Variants in RGS9 observed in about 807,000 individuals in gnomAD.
The protein encoded by RGS9 is regulator of G-protein signalling 9.
RGS9 carries 78 observed loss-of-function variants against 102.0 expected under a neutral mutation model. That is an observed-to-expected ratio of 0.76 (90% confidence interval 0.64 to 0.92). RGS9 has a LOEUF of 0.92. Among genes scored for constraint, RGS9 ranks in the 40% least tolerant of loss-of-function variants. The pLI is 0.00. For synonymous variants in RGS9, 353 were observed against 318.6 expected, an observed-to-expected ratio of 1.11 and a Z score of -1.15; for missense variants, 833 against 866.1, an observed-to-expected ratio of 0.96 and a Z score of 0.48.
At chr17:65,169,735 AG>A (rs927044346) in intron 8 of RGS9, among the ~76,000 whole-genome samples, 3 of 152,190 alleles carry the variant, frequency 2.0e-5, no homozygotes, top group African/African-American at 7.2e-5. Flanking sequence ...GTAAGTTCTC[AG>A]CCCCCACCAG....
chr17:65,216,309 C>A (rs949300004), intron 17 of RGS9, among the ~76,000 whole-genome samples: 201 of 152,248 alleles, frequency 1.3e-3, no homozygotes, highest in African/African-American at 4.3e-3. Context: ...TTCCTGACAA[C>A]TACCAAGCAA....
chr17:65,202,908 G>T (rs1391605098), intron 14 of RGS9, among the ~76,000 whole-genome samples: 1 of 152,180 alleles, frequency 6.6e-6, no homozygotes, highest in Non-Finnish European at 1.5e-5. Flanking sequence ...GGCTGCAGTG[G>T]ACATGAGTCC....
At chr17:65,189,083 T>A in intron 9 of RGS9, 1 of 605,896 alleles carries the variant, frequency 1.7e-6, no homozygotes, top group South Asian at 2.0e-5. Context: ...CTCCTTCGCT[T>A]ACAAAATCTC....
intron 1 of RGS9, among the ~76,000 whole-genome samples, chr17:65,145,566 A>ATTTTTTTTTTTTT (rs1567858058): frequency 8.5e-6 from 1 of 118,300 alleles, no homozygotes. Context: ...TTTTTTTTTA[A>ATTTTTTTTTTTTT]TATATTTTTA....
At position 65,145,901 on chromosome 17, in the gene RGS9, C is replaced by T. The variant is rs561322529; in HGVS notation, c.58-7521C>T. On this transcript the variant is annotated intron_variant, in intron 1 of 18. Transcript: ENST00000262406. ...GAAAAAGGATCGGATCCCAATGGGC[C>T]GAACTCCCTCAAAATGTTCCCGAGG... Among the ~76,000 whole-genome samples the T allele has an allele frequency of 5.3e-5, 8 of 152,142 alleles. No individual in the cohort carries two copies. The South Asian group carries it at 1.0e-3, about 20-fold the overall frequency.
intron 16 of RGS9, among the ~76,000 whole-genome samples, chr17:65,210,248 A>C (rs1008257949): frequency 3.9e-5 from 6 of 152,382 alleles, no homozygotes; most frequent in African/African-American, 1.4e-4. Flanking sequence ...CTTCGCCAAC[A>C]AAAGGGTCTT....
At chr17:65,211,448 T>C (rs186332434) in intron 17 of RGS9, among the ~76,000 whole-genome samples, 2 of 152,344 alleles carry the variant, frequency 1.3e-5, no homozygotes, top group Admixed American at 1.3e-4. Context: ...AACAAAGGCA[T>C]TGATGTCTTC....
At chr17:65,180,088 C>G (rs1253361933) in intron 9 of RGS9, 1 of 152,276 alleles carries the variant, frequency 6.6e-6, no homozygotes, top group East Asian at 1.9e-4. Flanking sequence ...ATGCAGAGCC[C>G]CTTCCAGCCC....
chr17:65,146,763 G>A (rs893718008), intron 1 of RGS9, among the ~76,000 whole-genome samples: 2 of 151,976 alleles, frequency 1.3e-5, no homozygotes, highest in African/African-American at 4.8e-5. Context: ...AGTGGCGCGC[G>A]CCTGTAGTCC....
At chr17:65,161,899 G>A (rs558761207) in intron 6 of RGS9, among the ~76,000 whole-genome samples, 1 of 149,842 alleles carries the variant, frequency 6.7e-6, no homozygotes, top group African/African-American at 2.5e-5. Flanking sequence ...TGTAGAGACA[G>A]GAGGCCCAGG....
intron 13 of RGS9, among the ~76,000 whole-genome samples, chr17:65,199,497 T>C (rs1912734078): frequency 6.9e-6 from 1 of 145,202 alleles, no homozygotes; most frequent in African/African-American, 2.6e-5. Flanking sequence ...CCTTTTTTTT[T>C]TTTTTTTTTT....
intron 13 of RGS9, among the ~76,000 whole-genome samples, chr17:65,200,295 G>T (rs1320631999): frequency 6.6e-6 from 1 of 152,166 alleles, no homozygotes; most frequent in Non-Finnish European, 1.5e-5. Context: ...CTCCCAAAGT[G>T]CTGGGATTAC....
chr17:65,200,278 C>T (rs1229676709), intron 13 of RGS9, among the ~76,000 whole-genome samples: 1 of 152,180 alleles, frequency 6.6e-6, no homozygotes, highest in East Asian at 1.9e-4. Context: ...GATCCGCCCC[C>T]CTCAGCCTCC....
At chr17:65,190,136 A>C (rs1161049274) in intron 10 of RGS9, 39 bp from the exon 11 acceptor site, 1 of 1,500,642 alleles carries the variant, frequency 6.7e-7, no homozygotes, top group Non-Finnish European at 9.3e-7. Context: ...GAAGGGTGGG[A>C]GGGGGTTGAA....
chr17:65,153,613 C>T, intron 2 of RGS9, 95 bp downstream of exon 2: 3 of 1,031,140 alleles, frequency 2.9e-6, no homozygotes, highest in Non-Finnish European at 4.6e-6. Context: ...TATTTTTGGC[C>T]AGGTGCAGTG....
At chr17:65,182,121 G>A (rs1409511228) in intron 9 of RGS9, among the ~76,000 whole-genome samples, 5 of 152,258 alleles carry the variant, frequency 3.3e-5, no homozygotes, top group East Asian at 1.9e-4. Context: ...CTACACTGGC[G>A]AGTATACAGA....
At chr17:65,150,284 C>T (rs1356517898) in intron 1 of RGS9, among the ~76,000 whole-genome samples, 4 of 152,112 alleles carry the variant, frequency 2.6e-5, no homozygotes, top group Non-Finnish European at 4.4e-5. Flanking sequence ...CACCCATGCT[C>T]CTTTTCTCTT....
chr17:65,183,175 T>C (rs908290787), intron 9 of RGS9, among the ~76,000 whole-genome samples: 32 of 152,088 alleles, frequency 2.1e-4, no homozygotes, highest in African/African-American at 7.5e-4. Context: ...CAGGCATGAG[T>C]GCAGTGGCAC....
chr17:65,137,525 C>A lies in RGS9; in HGVS notation c.-16C>A. Reference sequence around the variant, plus strand: ...TCCCACTGGTGCTCTGGCTGTGAATCCATCCAGGGGCCAGGATGACAATCC... The same window carrying A: ...TCCCACTGGTGCTCTGGCTGTGAATACATCCAGGGGCCAGGATGACAATCC... On this transcript the variant is annotated 5_prime_UTR_variant, in exon 1 of 19. Transcript: ENST00000262406. 1.2e-6 allele frequency: 2 copies of A among 1,610,426 alleles called. No individual in the cohort carries two copies. Among genetic ancestry groups the A allele is most frequent in the African/African-American group, 2.7e-5 (2 of 74,978 alleles).
Sources: allele counts gnomAD v4.1 joint callset (sites outside exome capture counted in the v4.1 genomes callset), GRCh38; gene constraint gnomAD v4.1.1; transcripts MANE v1.5; gene names NCBI Gene and HGNC (gene_info 2026-07-23, HGNC 2026-07-21).